The following CADPS variants were observed in gnomAD, a reference collection of about 807,000 sequenced individuals.
CADPS encodes calcium-dependent secretion activator 1.
A neutral mutation model predicts 167.3 loss-of-function variants in CADPS; 57 were observed. The observed-to-expected ratio is 0.34, with a 90% CI of 0.28 to 0.42. The LOEUF is 0.42. CADPS is among the 20% of genes least tolerant of loss of function. The probability of loss-of-function intolerance (pLI) is 1.00; values close to 1 mark genes in which losing one functional copy is unlikely to be tolerated. For missense variants in CADPS, 1,414 were observed against 1,738.1 expected (o/e 0.81, Z 3.32); for synonymous variants, 676 against 635.3 (o/e 1.06, Z -0.96).
intron 1 of CADPS, among the ~76,000 whole-genome samples, chr3:62,782,553 C>T (rs1001627784): frequency 2.0e-5 from 3 of 152,034 alleles, no homozygotes; most frequent in Admixed American, 6.6e-5. Flanking sequence ...CATGAAGACA[C>T]CAAAGGGCAA....
chr3:62,425,360 T>C (rs1408464333), intron 28 of CADPS, among the ~76,000 whole-genome samples: 1 of 152,082 alleles, frequency 6.6e-6, no homozygotes, highest in Non-Finnish European at 1.5e-5. Flanking sequence ...TCTCCAGACA[T>C]TTCCAAATGT....
intron 7 of CADPS, among the ~76,000 whole-genome samples, chr3:62,585,531 T>C (rs1243425570): frequency 6.6e-6 from 1 of 152,218 alleles, no homozygotes; most frequent in Non-Finnish European, 1.5e-5. Context: ...GATTCTGTCA[T>C]GAAAATCATG....
intron 6 of CADPS, among the ~76,000 whole-genome samples, chr3:62,627,620 A>C (rs1450032954): frequency 7.3e-6 from 1 of 136,754 alleles, no homozygotes; most frequent in Non-Finnish European, 1.6e-5. Context: ...CTTTTCTTTT[A>C]AATTATATGG....
intron 2 of CADPS, 91 bp downstream of exon 2, chr3:62,765,780 C>A: frequency 1.4e-6 from 1 of 733,150 alleles, no homozygotes; most frequent in South Asian, 2.0e-5. Context: ...CTGTAGTAAA[C>A]CAAAACGACT....
intron 3 of CADPS, among the ~76,000 whole-genome samples, chr3:62,664,382 C>G (rs1431704385): frequency 6.6e-6 from 1 of 152,198 alleles, no homozygotes. Flanking sequence ...GTTGGAAACT[C>G]TCTTCTAAAC....
Position 62,478,278 on chromosome 3 carries a change from G to T in CADPS, c.3312C>A (p.Ile1104=). Residue 1104 remains isoleucine, a synonymous_variant, in exon 23 of 30, where the codon ATC becomes ATA. Coordinates refer to ENST00000383710, the MANE Select transcript of CADPS (RefSeq NM_003716.4). The surrounding 1 kb of genome is among the most constrained non-coding windows in gnomAD (Gnocchi z 5.7). ...QRLKLMASDM[I]ESCVKRTRIA... ...ATACTTACCTTTTGACACAAGATTC[G>T]ATCATGTCACTTGCCATCAACTTCA... 1 of 1,613,742 alleles carries T rather than the reference G, an allele frequency of 6.2e-7. No individual in the cohort carries two copies. Among genetic ancestry groups the T allele is most frequent in the Non-Finnish European group, 8.5e-7 (1 of 1,179,802 alleles).
At chr3:62,682,845 T>C (rs1193899774) in intron 3 of CADPS, among the ~76,000 whole-genome samples, 1 of 152,084 alleles carries the variant, frequency 6.6e-6, no homozygotes, top group Non-Finnish European at 1.5e-5. Flanking sequence ...ATTAATCAAA[T>C]AACCATGTAC....
chr3:62,816,463 G>A (rs1439618825), intron 1 of CADPS, among the ~76,000 whole-genome samples: 1 of 152,028 alleles, frequency 6.6e-6, no homozygotes, highest in Non-Finnish European at 1.5e-5. Context: ...AGAAATTACA[G>A]GAGATGACTT....
chr3:62,854,469 A>G (rs1434899527), intron 1 of CADPS, among the ~76,000 whole-genome samples: 7 of 152,204 alleles, frequency 4.6e-5, no homozygotes, highest in Non-Finnish European at 8.8e-5. Flanking sequence ...AGACAAAACA[A>G]TGTTGGGAAA....
At chr3:62,683,245 A>T (rs1402704996) in intron 3 of CADPS, among the ~76,000 whole-genome samples, 2 of 151,940 alleles carry the variant, frequency 1.3e-5, no homozygotes, top group African/African-American at 4.8e-5. Context: ...GGGAGGAGGG[A>T]TGAGAAGTTC....
intron 1 of CADPS, among the ~76,000 whole-genome samples, chr3:62,861,321 C>A (rs1478204334): frequency 6.6e-6 from 1 of 152,076 alleles, no homozygotes; most frequent in Admixed American, 6.6e-5. Flanking sequence ...AAAGGGCAGG[C>A]ACCTTGCTTT....
chr3:62,675,684 C>T (rs2076232131), intron 3 of CADPS, among the ~76,000 whole-genome samples: 1 of 152,094 alleles, frequency 6.6e-6, no homozygotes, highest in South Asian at 2.1e-4. Flanking sequence ...ATCTAATTTA[C>T]TTCTAATGTA....
rs757658791 is a variant in CADPS at position 62,557,418 on chromosome 3, G to A, written c.1740C>T (p.Thr580=). Residue 580 remains threonine (T), a synonymous_variant, in exon 10 of 30, where the codon ACC becomes ACT. Transcript: ENST00000383710. The stretch of plus-strand genomic sequence containing the variant: ...GTCGGTGGGTACCTGGCTGGGGGTC[G>A]GTGTAATCCACAGTGTAGCCATCCA... The part of the protein sequence containing the change: ...LQLDGYTVDY[T]DPQPGLEGGR... The A allele has an allele frequency of 5.3e-5, 86 of 1,612,948 alleles. 1 individual carries two copies. The highest frequency in any genetic ancestry group is 3.5e-4 in the South Asian group (32 of 91,058).
chr3:62,599,844 A>AT (rs2059652838), intron 6 of CADPS, among the ~76,000 whole-genome samples: 2 of 6,062 alleles, frequency 3.3e-4, no homozygotes, highest in Non-Finnish European at 6.9e-4. Flanking sequence ...AATATATTAT[A>AT]TATATATAAT....
intron 3 of CADPS, among the ~76,000 whole-genome samples, chr3:62,752,657 G>C (rs1472933894): frequency 6.6e-6 from 1 of 152,200 alleles, no homozygotes; most frequent in Non-Finnish European, 1.5e-5. Context: ...CAGGAAGGAA[G>C]GTCCTTGTTT....
At chr3:62,754,289 A>G (rs1008749662) in intron 2 of CADPS, among the ~76,000 whole-genome samples, 1 of 152,194 alleles carries the variant, frequency 6.6e-6, no homozygotes, top group Non-Finnish European at 1.5e-5. Flanking sequence ...CTCCAGCTTC[A>G]GCCTCCTGAG....
At chr3:62,735,155 T>C (rs1459763761) in intron 3 of CADPS, among the ~76,000 whole-genome samples, 1 of 152,156 alleles carries the variant, frequency 6.6e-6, no homozygotes, top group African/African-American at 2.4e-5. Flanking sequence ...CATATTGAGA[T>C]ATCACCCAGA....
In CADPS at chr3:62,874,734, T is replaced by C. The variant is rs1454960732; in HGVS notation, c.296A>G (p.Glu99Gly). 6.6e-7 allele frequency: 1 copy of C among 1,521,620 alleles called. No individual in the cohort carries two copies. The allele number at this position is 1,521,620 out of a possible 1,614,324, so 94.3% of individuals were successfully genotyped here. Reference sequence around the variant, plus strand: ...CCGCTCCAACTCTTCCTTCTCCTTCTCGCTCACCACCGACGGGCTGGGGCT... The same window carrying C: ...CCGCTCCAACTCTTCCTTCTCCTTCCCGCTCACCACCGACGGGCTGGGGCT... ...PSSPSPSVVS[E>G]KEKEELERLQ... is the part of the protein sequence containing the mutation. Residue 99 changes from glutamate to glycine, a missense_variant, in exon 1 of 30, where the codon GAG becomes GGG. By Grantham distance (98) the Glu-to-Gly change is moderately conservative (BLOSUM62 -2). Transcript: ENST00000383710. This position sits in a 1 kb window ranked among gnomAD's most constrained non-coding sequence, Gnocchi z 7.1.
intron 6 of CADPS, among the ~76,000 whole-genome samples, chr3:62,618,695 T>C (rs1281459747): frequency 6.6e-6 from 1 of 152,212 alleles, no homozygotes; most frequent in Non-Finnish European, 1.5e-5. Flanking sequence ...TTCTTCCCAC[T>C]GGGCTGGCAC....
Sources: gnomAD v4.1 joint callset for allele counts (sites outside exome capture counted in the v4.1 genomes callset) on GRCh38, gnomAD v4.1.1 for gene constraint, Gnocchi (gnomAD v3.1) non-coding constraint, MANE v1.5 for transcripts, NCBI Gene and HGNC (gene_info 2026-07-23, HGNC 2026-07-21) for gene names.